CACNB4: variants seen among roughly 807,000 people sequenced by gnomAD.
CACNB4 encodes the protein voltage-dependent L-type calcium channel subunit beta-4.
A neutral mutation model predicts 71.2 loss-of-function variants in CACNB4; 32 were observed. The ratio of observed to expected loss-of-function variants is 0.45; its 90% CI spans 0.34 to 0.60. The LOEUF is 0.60. Among genes scored for constraint, CACNB4 ranks in the 20% least tolerant of loss-of-function variants. The pLI, the probability that CACNB4 is intolerant of heterozygous loss-of-function variation, is 0.01. For missense variants in CACNB4, 464 were observed against 647.9 expected (o/e 0.72, Z 3.08); for synonymous variants, 231 against 236.9 (o/e 0.97, Z 0.23).
chr2:151,986,975 T>C (rs1423527510), intron 2 of CACNB4, among the ~76,000 whole-genome samples: 1 of 152,162 alleles, frequency 6.6e-6, no homozygotes, highest in Non-Finnish European at 1.5e-5. Context: ...ACAGAGACCC[T>C]TCTGGAAGGA....
intron 2 of CACNB4, among the ~76,000 whole-genome samples, chr2:151,986,254 T>G (rs1348582833): frequency 6.6e-6 from 1 of 152,186 alleles, no homozygotes; most frequent in Non-Finnish European, 1.5e-5. Flanking sequence ...GAAAAAAAAG[T>G]AATCTAAACA....
chr2:152,044,120 A>G (rs1685014606), intron 2 of CACNB4, among the ~76,000 whole-genome samples: 1 of 152,264 alleles, frequency 6.6e-6, no homozygotes. Flanking sequence ...TGTAAAATAT[A>G]CTAAAAACAA....
chr2:152,007,943 T>C (rs12616521), intron 2 of CACNB4, among the ~76,000 whole-genome samples: 33,004 of 151,822 alleles, frequency 0.22, 4,874 homozygotes, highest in East Asian at 0.73. Flanking sequence ...AGCTAATTTT[T>C]GTATTTTTAG....
chr2:151,871,842 C>T (rs896330236), intron 6 of CACNB4: 6 of 153,074 alleles, frequency 3.9e-5, no homozygotes, highest in Admixed American at 6.5e-5. Flanking sequence ...AAAATTCCTA[C>T]ATGAATAACT....
chr2:151,980,816 T>A (rs2099874590), intron 2 of CACNB4, among the ~76,000 whole-genome samples: 1 of 152,234 alleles, frequency 6.6e-6, no homozygotes, highest in Admixed American at 6.5e-5. Flanking sequence ...AACTAAATAA[T>A]CTAGGTGTGA....
At position 152,033,197 on chromosome 2, in the gene CACNB4, G is replaced by C. The variant is rs142337559; in HGVS notation, c.147+65133C>G. ...GGTTAAATAATGAATGAGGAGAAGCGGGGTGGGGGAATGAGGATGAAGAGG... is the reference window on the plus strand; with the variant it reads ...GGTTAAATAATGAATGAGGAGAAGCCGGGTGGGGGAATGAGGATGAAGAGG... On this transcript the variant is annotated intron_variant, in intron 2 of 13. Transcript: ENST00000539935. 3.3e-5 allele frequency among the ~76,000 whole-genome samples: 5 copies of C among 152,148 alleles called. No homozygotes were observed. The South Asian group carries it at 6.2e-4, about 19-fold the overall frequency.
At chr2:151,908,273 G>A (rs1050957763) in intron 2 of CACNB4, among the ~76,000 whole-genome samples, 1 of 152,200 alleles carries the variant, frequency 6.6e-6, no homozygotes, top group African/African-American at 2.4e-5. Context: ...GATAGACAGT[G>A]GTATATTTAG....
chr2:151,863,584 T>C (rs769583096), intron 9 of CACNB4, among the ~76,000 whole-genome samples: 7 of 152,196 alleles, frequency 4.6e-5, no homozygotes, highest in Non-Finnish European at 7.3e-5. Flanking sequence ...TCTCCTTTAG[T>C]GAAAATAAAA....
chr2:151,932,113 G>T lies in CACNB4; in HGVS notation c.148-48743C>A, dbSNP rs143342233. ...AATGGAAGGAAGCTGGGGAGAGACA[G>T]CTAACTTTTGCTTTTATATATCACT... On this transcript the variant is annotated intron_variant, in intron 2 of 13. Coordinates refer to ENST00000539935, the MANE Select transcript of CACNB4 (RefSeq NM_000726.5). Among the ~76,000 whole-genome samples, 286 of 152,132 alleles carry T rather than the reference G, an allele frequency of 1.9e-3. 2 individuals carry two copies. Among genetic ancestry groups the T allele is most frequent in the African/African-American group, 6.2e-3 (257 of 41,510 alleles).
chr2:151,875,675 A>C (rs2099845888), intron 5 of CACNB4, among the ~76,000 whole-genome samples: 2 of 59,036 alleles, frequency 3.4e-5, no homozygotes, highest in Admixed American at 1.8e-4. Context: ...TGGGGGGCTG[A>C]CCCCCCCACC....
At chr2:151,862,552 C>A (rs2099842006) in intron 9 of CACNB4, among the ~76,000 whole-genome samples, 1 of 152,202 alleles carries the variant, frequency 6.6e-6, no homozygotes, top group Non-Finnish European at 1.5e-5. Context: ...GTTCTGAGGA[C>A]TAAAGGGAGG....
intron 2 of CACNB4, among the ~76,000 whole-genome samples, chr2:151,992,173 G>A (rs1681746340): frequency 6.6e-6 from 1 of 152,222 alleles, no homozygotes; most frequent in Non-Finnish European, 1.5e-5. Context: ...GCAGAAGAGA[G>A]AAGGCAAACA....
intron 2 of CACNB4, among the ~76,000 whole-genome samples, chr2:151,989,977 C>G (rs1231885493): frequency 6.6e-6 from 1 of 152,158 alleles, no homozygotes; most frequent in East Asian, 1.9e-4. Flanking sequence ...TCAGTCTCTA[C>G]AGTTGAGGCT....
At chr2:151,939,656 A>C (rs946872396) in intron 2 of CACNB4, among the ~76,000 whole-genome samples, 1 of 152,186 alleles carries the variant, frequency 6.6e-6, no homozygotes, top group Non-Finnish European at 1.5e-5. Context: ...TGAGCCCACC[A>C]AAGTGACTAC....
In CACNB4 at chr2:151,842,438, C is replaced by T. The variant is rs537323421; in HGVS notation, c.1117-350G>A. 3.5e-5 allele frequency among the ~76,000 whole-genome samples: 5 copies of T among 144,100 alleles called. No individual in the cohort carries two copies. The South Asian group carries it at 1.2e-3, about 33-fold the overall frequency. 94.5% of individuals were successfully genotyped at this position (144,100 alleles called of 152,430 possible). On this transcript the variant is annotated intron_variant, in intron 12 of 13. Coordinates refer to ENST00000539935, the MANE Select transcript of CACNB4 (RefSeq NM_000726.5). ...CTCTGTCCACTGAGTTCAAGCAATT[C>T]TCCTGCCTCAGCCTCCCAAGTAGCT...
chr2:151,879,175 C>T (rs1336311431), intron 4 of CACNB4, among the ~76,000 whole-genome samples: 1 of 152,156 alleles, frequency 6.6e-6, no homozygotes, highest in African/African-American at 2.4e-5. Flanking sequence ...TAAGTTACTT[C>T]CTGAAATGAA....
chr2:152,033,844 A>C (rs1684415657), intron 2 of CACNB4, among the ~76,000 whole-genome samples: 1 of 152,214 alleles, frequency 6.6e-6, no homozygotes, highest in Non-Finnish European at 1.5e-5. Flanking sequence ...TTCTCGTGGT[A>C]TTTCAGATTT....
rs1229817208 is a variant in CACNB4, at chr2:151,834,163, G to A, written c.*4956C>T. On this transcript the variant is annotated 3_prime_UTR_variant, in exon 14 of 14. Coordinates refer to ENST00000539935, the MANE Select transcript of CACNB4 (RefSeq NM_000726.5). The stretch of plus-strand genomic sequence containing the variant: ...TAACCAAGAACACTTATCAGGTATT[G>A]AAAAGCTAGAGGCCAGCCACTTCTG... The A allele has an allele frequency of 6.6e-6, 1 of 152,004 alleles. No individual in the cohort carries two copies. The highest frequency in any genetic ancestry group is 2.4e-5 in the African/African-American group (1 of 41,424). 9.4% of individuals were successfully genotyped at this position (152,004 alleles called of 1,614,324 possible).
chr2:151,946,698 G>T (rs1021184569), intron 2 of CACNB4, among the ~76,000 whole-genome samples: 2 of 152,150 alleles, frequency 1.3e-5, no homozygotes, highest in African/African-American at 4.8e-5. Flanking sequence ...AGGGCACAAG[G>T]CACCTGGTAC....
Sources: gnomAD v4.1 joint callset for allele counts (sites outside exome capture counted in the v4.1 genomes callset) on GRCh38, gnomAD v4.1.1 for gene constraint, MANE v1.5 for transcripts, NCBI Gene and HGNC (gene_info 2026-07-23, HGNC 2026-07-21) for gene names.